The following NKAIN2 variants were observed in gnomAD, a reference collection of about 807,000 sequenced individuals.
NKAIN2 encodes sodium/potassium-transporting ATPase subunit beta-1-interacting protein 2.
A neutral mutation model predicts 32.6 loss-of-function variants in NKAIN2; 14 were observed. That is an observed-to-expected ratio of 0.43 (90% CI 0.28 to 0.67). The LOEUF is 0.67. NKAIN2 is among the 30% of genes least tolerant of loss of function. The pLI is 0.17. For missense variants in NKAIN2, 198 were observed against 258.3 expected, an observed-to-expected ratio of 0.77 and a Z score of 1.60; for synonymous variants, 80 against 87.2, an observed-to-expected ratio of 0.92 and a Z score of 0.46.
At chr6:123,999,746 A>T (rs1779792853) in intron 1 of NKAIN2, among the ~76,000 whole-genome samples, 1 of 152,128 alleles carries the variant, frequency 6.6e-6, no homozygotes, top group African/African-American at 2.4e-5. Context: ...TGACACAGAC[A>T]TTTCCTGCGG....
chr6:124,435,851 A>C (rs942724787), intron 3 of NKAIN2, among the ~76,000 whole-genome samples: 15 of 152,194 alleles, frequency 9.9e-5, no homozygotes, highest in African/African-American at 2.9e-4. Context: ...TCTATAGTCC[A>C]AACAGACACA....
At position 123,855,607 on chromosome 6, in the gene NKAIN2, A is replaced by G. The variant is rs547228001; in HGVS notation, c.54+51353A>G. Among the ~76,000 whole-genome samples, 8 of 152,350 alleles carry G rather than the reference A, an allele frequency of 5.3e-5. No individual in the cohort carries two copies. The East Asian group carries it at 1.5e-3, about 29-fold the overall frequency. ...AGACTATTATAGACCAGCCACGGTT[A>G]CTGCAGTTTTCTGTCAGCCACCCTT... On this transcript the variant is annotated intron_variant, in intron 1 of 6. Transcript: ENST00000368417.
intron 4 of NKAIN2, among the ~76,000 whole-genome samples, chr6:124,737,639 T>G (rs1777017850): frequency 6.6e-6 from 1 of 151,868 alleles, no homozygotes; most frequent in African/African-American, 2.4e-5. Flanking sequence ...AGTTTGGAAC[T>G]TCCTAGAGAC....
At chr6:124,236,423 G>A (rs1387273600) in intron 1 of NKAIN2, among the ~76,000 whole-genome samples, 1 of 152,138 alleles carries the variant, frequency 6.6e-6, no homozygotes, top group South Asian at 2.1e-4. Context: ...TGGCATCGCT[G>A]TAGAAAGGGC....
chr6:123,939,405 C>G (rs892467981), intron 1 of NKAIN2, among the ~76,000 whole-genome samples: 7 of 151,960 alleles, frequency 4.6e-5, no homozygotes, highest in African/African-American at 1.7e-4. Context: ...CCCATTTACT[C>G]TGGGCAGCAC....
At chr6:123,966,865 A>G (rs1778103525) in intron 1 of NKAIN2, among the ~76,000 whole-genome samples, 1 of 152,192 alleles carries the variant, frequency 6.6e-6, no homozygotes, top group African/African-American at 2.4e-5. Context: ...ACTGAAAATC[A>G]CAGACATGGT....
At chr6:124,745,779 T>C (rs2114699130) in intron 4 of NKAIN2, among the ~76,000 whole-genome samples, 1 of 152,014 alleles carries the variant, frequency 6.6e-6, no homozygotes, top group Admixed American at 6.6e-5. Context: ...AGACATATCC[T>C]TAGTGTGCAA....
chr6:124,553,486 T>C (rs994157035), intron 3 of NKAIN2, among the ~76,000 whole-genome samples: 2 of 152,068 alleles, frequency 1.3e-5, no homozygotes, highest in Non-Finnish European at 2.9e-5. Flanking sequence ...TTTGTACTTT[T>C]AGTAGAGATG....
intron 2 of NKAIN2, among the ~76,000 whole-genome samples, chr6:124,342,904 A>C (rs1319058214): frequency 6.6e-6 from 1 of 151,510 alleles, no homozygotes; most frequent in African/African-American, 2.4e-5. Flanking sequence ...ATATGTATAC[A>C]TGTGCCATGT....
At chr6:124,257,295 A>C (rs531043614) in intron 1 of NKAIN2, among the ~76,000 whole-genome samples, 1 of 152,202 alleles carries the variant, frequency 6.6e-6, no homozygotes, top group South Asian at 2.1e-4. Context: ...TGCTCCACTA[A>C]CAGAAACTCC....
intron 3 of NKAIN2, among the ~76,000 whole-genome samples, chr6:124,403,116 A>G (rs1177981926): frequency 6.6e-6 from 1 of 152,178 alleles, no homozygotes; most frequent in African/African-American, 2.4e-5. Context: ...TTTTTAGAAT[A>G]TTGAAACTTT....
At chr6:124,344,841 T>C (rs542636020) in intron 2 of NKAIN2, among the ~76,000 whole-genome samples, 1 of 152,200 alleles carries the variant, frequency 6.6e-6, no homozygotes, top group Non-Finnish European at 1.5e-5. Flanking sequence ...TACTGCCTGA[T>C]TGCCCTGGCC....
At chr6:124,719,301 GTTTCT>G (rs1231641453) in intron 4 of NKAIN2, among the ~76,000 whole-genome samples, 5 of 152,030 alleles carry the variant, frequency 3.3e-5, no homozygotes, top group African/African-American at 4.8e-5. Flanking sequence ...TATAGGGAAT[GTTTCT>G]TTTCTTTTTT....
chr6:124,752,394 A>G (rs1777761948), intron 4 of NKAIN2, among the ~76,000 whole-genome samples: 1 of 152,108 alleles, frequency 6.6e-6, no homozygotes, highest in South Asian at 2.1e-4. Flanking sequence ...AGAAGTAACG[A>G]GAGTAACATT....
chr6:124,459,741 C>T (rs892318449), intron 3 of NKAIN2, among the ~76,000 whole-genome samples: 1 of 151,676 alleles, frequency 6.6e-6, no homozygotes, highest in Non-Finnish European at 1.5e-5. Context: ...CTATAGTCAT[C>T]TCTTTACTGT....
At chr6:124,077,145 A>G (rs1019143889) in intron 1 of NKAIN2, among the ~76,000 whole-genome samples, 1 of 152,212 alleles carries the variant, frequency 6.6e-6, no homozygotes, top group African/African-American at 2.4e-5. Flanking sequence ...CATTCTGAGC[A>G]TCAGTTACTG....
At chr6:124,797,443 A>C (rs1378413122) in intron 5 of NKAIN2, among the ~76,000 whole-genome samples, 23 of 152,202 alleles carry the variant, frequency 1.5e-4, no homozygotes, top group Admixed American at 1.5e-3. Flanking sequence ...TTTGAAATCA[A>C]TGCAGAAAAA....
At chr6:124,068,368 G>A (rs1783289024) in intron 1 of NKAIN2, among the ~76,000 whole-genome samples, 1 of 151,780 alleles carries the variant, frequency 6.6e-6, no homozygotes, top group African/African-American at 2.4e-5. Flanking sequence ...AATAATCTAG[G>A]CAACTCTATT....
chr6:124,279,893 T>C (rs942740718), intron 1 of NKAIN2, among the ~76,000 whole-genome samples: 3 of 152,148 alleles, frequency 2.0e-5, no homozygotes, highest in Non-Finnish European at 4.4e-5. Context: ...CTATTGATGT[T>C]ACAAATAAAA....
Sources: gnomAD v4.1 joint callset for allele counts (sites outside exome capture counted in the v4.1 genomes callset) on GRCh38, gnomAD v4.1.1 for gene constraint, MANE v1.5 for transcripts, NCBI Gene and HGNC (gene_info 2026-07-23, HGNC 2026-07-21) for gene names.